IQCM: variants seen among roughly 807,000 people sequenced by gnomAD.
IQCM encodes IQ motif containing M.
IQCM carries 45 observed loss-of-function variants against 57.6 expected under a neutral mutation model. The ratio of observed to expected loss-of-function variants is 0.78; its 90% CI spans 0.62 to 1.00. The LOEUF is 1.00. Ranked by LOEUF, IQCM falls within the 50% of genes least tolerant of loss-of-function variation. IQCM has a pLI of 0.00. For missense variants in IQCM, 468 were observed against 511.6 expected, an observed-to-expected ratio of 0.91 and a Z score of 0.82; for synonymous variants, 148 against 158.9, an observed-to-expected ratio of 0.93 and a Z score of 0.51.
rs538180729 is a variant in IQCM, at chr4:149,421,083, T to C, written c.1390+12313A>G. ...AAACATTTTATTCTCTGCATATTTT[T>C]AAATTCAGGCACTCTGGGAGGCCAT... On this transcript the variant is annotated intron_variant, in intron 13 of 13. Coordinates refer to ENST00000636793, the MANE Select transcript of IQCM (RefSeq NM_001363507.2). Among the ~76,000 whole-genome samples the C allele has an allele frequency of 4.9e-4, 74 of 152,132 alleles. 1 individual carries two copies. The South Asian group carries it at 0.015, about 32-fold the overall frequency.
intron 5 of IQCM, among the ~76,000 whole-genome samples, chr4:149,731,435 A>G (rs1451765586): frequency 2.0e-5 from 3 of 152,198 alleles, no homozygotes; most frequent in Admixed American, 6.5e-5. Flanking sequence ...TCCCGCTTCC[A>G]TAACTATGAG....
At chr4:149,543,861 A>G (rs1748111727) in intron 12 of IQCM, among the ~76,000 whole-genome samples, 1 of 152,194 alleles carries the variant, frequency 6.6e-6, no homozygotes, top group African/African-American at 2.4e-5. Context: ...CACTTAAACA[A>G]CCTAAACTGA....
chr4:149,740,062 T>C (rs1767313762), intron 3 of IQCM, among the ~76,000 whole-genome samples: 1 of 152,198 alleles, frequency 6.6e-6, no homozygotes. Context: ...ACCCAGGGGC[T>C]TAAAAACATT....
chr4:149,718,278 C>A (rs1765164230), intron 5 of IQCM, among the ~76,000 whole-genome samples: 1 of 152,140 alleles, frequency 6.6e-6, no homozygotes, highest in Non-Finnish European at 1.5e-5. Context: ...GTGGTGCTAC[C>A]ATAACTCTGA....
chr4:149,563,609 G>T, intron 10 of IQCM, 83 bp downstream of exon 10: 3 of 922,268 alleles, frequency 3.3e-6, no homozygotes, highest in Non-Finnish European at 4.2e-6. Flanking sequence ...TATGTACATT[G>T]ACCAGATGAC....
At chr4:149,604,392 T>C (rs1232677922) in intron 8 of IQCM, among the ~76,000 whole-genome samples, 7 of 152,326 alleles carry the variant, frequency 4.6e-5, no homozygotes, top group Non-Finnish European at 2.9e-5. Flanking sequence ...TCTATATTTG[T>C]TATTGCAGAT....
intron 7 of IQCM, among the ~76,000 whole-genome samples, chr4:149,636,601 A>T (rs1160842518): frequency 6.6e-6 from 1 of 152,214 alleles, no homozygotes; most frequent in Admixed American, 6.5e-5. Flanking sequence ...CACTGATAGC[A>T]GGCAATTATT....
intron 13 of IQCM, among the ~76,000 whole-genome samples, chr4:149,378,934 G>A (rs890168335): frequency 6.6e-6 from 1 of 152,162 alleles, no homozygotes; most frequent in Non-Finnish European, 1.5e-5. Flanking sequence ...TCCCTCTGCT[G>A]TGTACAGTCT....
chr4:149,436,760 T>A (rs1396719406), intron 12 of IQCM, among the ~76,000 whole-genome samples: 4 of 152,104 alleles, frequency 2.6e-5, no homozygotes, highest in Non-Finnish European at 5.9e-5. Context: ...GGGATTTAGA[T>A]GTAGCAATAC....
At chr4:149,429,922 CA>C in intron 13 of IQCM, 1 of 1,023,540 alleles carries the variant, frequency 9.8e-7, no homozygotes, top group Non-Finnish European at 1.3e-6. Context: ...AACGTAATGC[CA>C]CTTGCATATT....
chr4:149,555,939 G>A (rs1387704956), intron 10 of IQCM, among the ~76,000 whole-genome samples: 1 of 152,120 alleles, frequency 6.6e-6, no homozygotes, highest in African/African-American at 2.4e-5. Context: ...GTTACCTAGG[G>A]CTTTTCATGG....
At chr4:149,352,196 C>T (rs2110856301) in intron 13 of IQCM, 130 bp from the exon 14 acceptor site, 1 of 393,042 alleles carries the variant, frequency 2.5e-6, no homozygotes, top group South Asian at 1.4e-4. Context: ...AAAGACTGGA[C>T]TTGGGCTCAT....
intron 12 of IQCM, among the ~76,000 whole-genome samples, chr4:149,526,930 CATT>C (rs1385247597): frequency 2.0e-5 from 3 of 151,382 alleles, no homozygotes; most frequent in African/African-American, 7.3e-5. Context: ...TAATATATTC[CATT>C]ATTTATTTTT....
At chr4:149,651,495 CT>C (rs1255994559) in intron 7 of IQCM, among the ~76,000 whole-genome samples, 1 of 152,046 alleles carries the variant, frequency 6.6e-6, no homozygotes, top group Non-Finnish European at 1.5e-5. Context: ...TCCCATTCAC[CT>C]GGAACACTGC....
chr4:149,646,792 T>A (rs1758673677), intron 7 of IQCM, among the ~76,000 whole-genome samples: 1 of 152,170 alleles, frequency 6.6e-6, no homozygotes, highest in African/African-American at 2.4e-5. Context: ...AAGACCAGTT[T>A]GGCCAACATG....
At chr4:149,479,049 A>G (rs1447920200) in intron 12 of IQCM, among the ~76,000 whole-genome samples, 1 of 152,202 alleles carries the variant, frequency 6.6e-6, no homozygotes, top group Non-Finnish European at 1.5e-5. Flanking sequence ...ACAGAATCAA[A>G]AGAGGCAATA....
At chr4:149,735,783 A>G (rs919201799) in intron 3 of IQCM, among the ~76,000 whole-genome samples, 2 of 152,198 alleles carry the variant, frequency 1.3e-5, no homozygotes, top group East Asian at 1.9e-4. Flanking sequence ...CTTGATGACT[A>G]ATGTATGAAG....
intron 2 of IQCM, among the ~76,000 whole-genome samples, chr4:149,747,380 C>A (rs545072275): frequency 4.0e-4 from 61 of 152,266 alleles, no homozygotes; most frequent in African/African-American, 1.4e-3. Flanking sequence ...TTGCATATAA[C>A]CTATGCACAC....
intron 13 of IQCM, among the ~76,000 whole-genome samples, chr4:149,371,238 A>C (rs1730348823): frequency 6.6e-6 from 1 of 152,160 alleles, no homozygotes; most frequent in East Asian, 1.9e-4. Flanking sequence ...AACGTGGGGC[A>C]ACTTTCTACT....
Sources: allele counts gnomAD v4.1 joint callset (sites outside exome capture counted in the v4.1 genomes callset), GRCh38; gene constraint gnomAD v4.1.1; transcripts MANE v1.5; gene names NCBI Gene and HGNC (gene_info 2026-07-23, HGNC 2026-07-21).